PIGN: variants seen among roughly 807,000 people sequenced by gnomAD.
PIGN encodes the protein GPI ethanolamine phosphate transferase 1.
In PIGN, 117 loss-of-function variants were observed where a neutral mutation model predicts 125.4. The observed-to-expected ratio is 0.93, with a 90% confidence interval of 0.80 to 1.09. PIGN has a LOEUF of 1.09. Ranked by LOEUF, PIGN falls within the 50% of genes least tolerant of loss-of-function variation. PIGN has a pLI of 0.00. For synonymous variants in PIGN, 392 were observed against 377.8 expected (o/e 1.04, Z -0.44); for missense variants, 1,075 against 1,094.9 (o/e 0.98, Z 0.26).
At chr18:62,186,794 A>G (rs2038066132) in intron 1 of PIGN, 50 bp downstream of exon 1, 1 of 151,162 alleles carries the variant, frequency 6.6e-6, no homozygotes, top group African/African-American at 2.4e-5. Flanking sequence ...CGGGCGCGAC[A>G]CCACAGTTTG....
intron 30 of PIGN, chr18:62,052,671 G>C (rs1388989416): frequency 2.0e-5 from 3 of 151,602 alleles, no homozygotes; most frequent in Admixed American, 6.6e-5. Flanking sequence ...GCCAGTCTGT[G>C]TCTTTTAATT....
chr18:62,114,605 T>G lies in PIGN; in HGVS notation c.1207A>C (p.Arg403=), dbSNP rs755903091. Residue 403 remains arginine (R), a synonymous_variant, in exon 15 of 31, where the codon AGA becomes CGA. Transcript: ENST00000640252. ...LSDSKQFNIL[R]KARSYIKHRK... ...TGTTTTATATAAGATCTTGCTTTTC[T>G]TAAAATGTTGAACTGTTTGGAATCA... The G allele has an allele frequency of 3.6e-5, 55 of 1,525,504 alleles. No individual in the cohort carries two copies. In the South Asian group the frequency reaches 5.9e-4, roughly 16 times the overall value. 94.5% of individuals were successfully genotyped at this position (1,525,504 alleles called of 1,614,324 possible).
At chr18:62,098,640 C>T (rs2034309065) in intron 22 of PIGN, among the ~76,000 whole-genome samples, 1 of 152,104 alleles carries the variant, frequency 6.6e-6, no homozygotes, top group African/African-American at 2.4e-5. Flanking sequence ...AGCAAAAATG[C>T]TCATTAAAGC....
At chr18:62,087,222 GAGA>G (rs1240950149) in intron 25 of PIGN, among the ~76,000 whole-genome samples, 1 of 152,170 alleles carries the variant, frequency 6.6e-6, no homozygotes, top group Non-Finnish European at 1.5e-5. Context: ...AGTAATTATA[GAGA>G]AGAAGAATAG....
At chr18:62,073,449 A>G (rs941929455) in intron 29 of PIGN, among the ~76,000 whole-genome samples, 1 of 152,186 alleles carries the variant, frequency 6.6e-6, no homozygotes, top group Non-Finnish European at 1.5e-5. Context: ...GATGGTGTAG[A>G]GAAAACAAGG....
At chr18:62,110,041 T>A (rs931927540) in intron 16 of PIGN, 68 bp from the exon 17 acceptor site, 1 of 1,462,732 alleles carries the variant, frequency 6.8e-7, no homozygotes, top group Admixed American at 1.8e-5. Flanking sequence ...TAAAAGAGAT[T>A]TTATAAAGTA....
intron 7 of PIGN, among the ~76,000 whole-genome samples, chr18:62,152,723 G>A (rs954192762): frequency 3.9e-5 from 6 of 151,904 alleles, no homozygotes; most frequent in East Asian, 1.9e-4. Context: ...CTCAATGTCC[G>A]GTTTATACTA....
chr18:62,053,805 C>T (rs1254751857), intron 30 of PIGN, among the ~76,000 whole-genome samples: 2 of 152,284 alleles, frequency 1.3e-5, no homozygotes, highest in Non-Finnish European at 1.5e-5. Flanking sequence ...AATACATGCT[C>T]TTTTCAAGTG....
chr18:62,184,948 C>T (rs1455769924), intron 1 of PIGN, among the ~76,000 whole-genome samples: 1 of 152,130 alleles, frequency 6.6e-6, no homozygotes, highest in Non-Finnish European at 1.5e-5. Flanking sequence ...CTTTGATAGA[C>T]GAATGCAAGT....
chr18:62,104,879 A>C (rs2034578034), intron 20 of PIGN, among the ~76,000 whole-genome samples: 1 of 152,206 alleles, frequency 6.6e-6, no homozygotes, highest in African/African-American at 2.4e-5. Flanking sequence ...TCATATGCAC[A>C]CTCAAACAGC....
intron 24 of PIGN, among the ~76,000 whole-genome samples, chr18:62,090,255 A>G (rs193068928): frequency 3.5e-4 from 53 of 152,306 alleles, no homozygotes; most frequent in South Asian, 2.1e-3. Flanking sequence ...AATCACTAAG[A>G]AAAGCCCAAC....
chr18:62,073,685 A>G (rs1427880577), intron 29 of PIGN, among the ~76,000 whole-genome samples: 1 of 152,210 alleles, frequency 6.6e-6, no homozygotes, highest in Non-Finnish European at 1.5e-5. Flanking sequence ...CCACCACACA[A>G]AAGTACTCTC....
intron 23 of PIGN, among the ~76,000 whole-genome samples, chr18:62,030,683 C>A (rs1007553722): frequency 6.6e-6 from 1 of 152,196 alleles, no homozygotes; most frequent in Non-Finnish European, 1.5e-5. Flanking sequence ...TCATGTTGAA[C>A]TCTGATACTC....
intron 14 of PIGN, chr18:62,136,408 G>C (rs2035934946): frequency 6.6e-6 from 1 of 152,296 alleles, no homozygotes; most frequent in South Asian, 2.1e-4. Context: ...GAGTGCAGTA[G>C]TGCGATCTCA....
At chr18:62,150,310 T>C (rs1030416230) in intron 7 of PIGN, among the ~76,000 whole-genome samples, 5 of 152,078 alleles carry the variant, frequency 3.3e-5, no homozygotes, top group African/African-American at 9.7e-5. Context: ...GTTAACAGTG[T>C]GAAAAAGTCA....
chr18:62,122,322 A>C (rs2035338365), intron 14 of PIGN, among the ~76,000 whole-genome samples: 6 of 152,190 alleles, frequency 3.9e-5, no homozygotes, highest in Admixed American at 3.3e-4. Context: ...TTTTACAAAG[A>C]AAATTTTCAA....
chr18:62,152,888 T>C (rs2036592026), intron 7 of PIGN, among the ~76,000 whole-genome samples: 1 of 151,596 alleles, frequency 6.6e-6, no homozygotes, highest in Admixed American at 6.6e-5. Context: ...TTAACCACAG[T>C]TACAAAAAAA....
rs1439168169 is a variant in PIGN at position 62,176,060 on chromosome 18, T to C, written c.-236+10784A>G. Among the ~76,000 whole-genome samples, 3 of 152,170 alleles carry C rather than the reference T, an allele frequency of 2.0e-5. No individual in the cohort carries two copies. The East Asian group carries it at 5.8e-4, about 29-fold the overall frequency. ...AGAAGTTTCAGGCAATTTTTATTTT[T>C]AAATAACTTATTTAATGAGATATAT... is the stretch of plus-strand genomic sequence containing the variant. On this transcript the variant is annotated intron_variant, in intron 1 of 30. Coordinates refer to ENST00000640252, the MANE Select transcript of PIGN (RefSeq NM_176787.5).
At chr18:62,168,055 G>A (rs571144965) in intron 1 of PIGN, among the ~76,000 whole-genome samples, 10 of 63,586 alleles carry the variant, frequency 1.6e-4, no homozygotes, top group South Asian at 8.9e-4. Context: ...TTAGCTAGGC[G>A]TGGTGGCGCA....
Sources: allele counts gnomAD v4.1 joint callset (sites outside exome capture counted in the v4.1 genomes callset), GRCh38; gene constraint gnomAD v4.1.1; transcripts MANE v1.5; gene names NCBI Gene and HGNC (gene_info 2026-07-23, HGNC 2026-07-21).